ZNF83: variants seen among roughly 807,000 people sequenced by gnomAD.
The protein encoded by ZNF83 is zinc finger protein 83.
For synonymous variants in ZNF83, 209 were observed against 213.0 expected, an observed-to-expected ratio of 0.98 and a Z score of 0.17; for missense variants, 552 against 629.9, an observed-to-expected ratio of 0.88 and a Z score of 1.32.
chr19:52,652,981 G>A lies in ZNF83; in HGVS notation c.-74+2580C>T, dbSNP rs963044510. On this transcript the variant is annotated intron_variant, in intron 3 of 5. Coordinates refer to the ZNF83 transcript ENST00000594682. ...CTTGCCACACTCATTACACCTGTAA[G>A]GTTTCTCTCCAGTATGAACTCTCTG... The A allele has an allele frequency of 3.0e-6, 4 of 1,340,602 alleles. No individual in the cohort carries two copies. In the African/African-American group the frequency reaches 5.8e-5, roughly 19 times the overall value. The allele number at this position is 1,340,602 out of a possible 1,614,324, so 83.0% of individuals were successfully genotyped here.
intron 3 of ZNF83, chr19:52,651,953 T>C (rs1386836332): frequency 1.1e-5 from 2 of 179,002 alleles, no homozygotes; most frequent in East Asian, 1.8e-4. Context: ...CAATGCAGAA[T>C]TGACTCTAAT....
chr19:52,620,084 A>C (rs2060478283), intron 2 of ZNF83, among the ~76,000 whole-genome samples: 1 of 152,142 alleles, frequency 6.6e-6, no homozygotes, highest in Non-Finnish European at 1.5e-5. Flanking sequence ...AAAGTACAAA[A>C]ATACATTTTT....
intron 3 of ZNF83, among the ~76,000 whole-genome samples, chr19:52,648,005 T>C (rs577410230): frequency 7.2e-5 from 11 of 152,044 alleles, no homozygotes; most frequent in East Asian, 3.9e-4. Context: ...GCTCTGTCTG[T>C]CCTGGCTGCA....
chr19:52,632,436 CCA>C (rs2061002907), intron 2 of ZNF83, among the ~76,000 whole-genome samples: 1 of 152,178 alleles, frequency 6.6e-6, no homozygotes, highest in Non-Finnish European at 1.5e-5. Flanking sequence ...CAGTCTCATT[CCA>C]GACACCAGAC....
At chr19:52,638,758 G>A (rs1204361771), upstream of ZNF83, among the ~76,000 whole-genome samples, 2 of 152,210 alleles carry the variant, frequency 1.3e-5, no homozygotes, top group African/African-American at 4.8e-5. Context: ...CAGCTTTAGA[G>A]ACTCAGGCCA....
intron 3 of ZNF83, among the ~76,000 whole-genome samples, chr19:52,649,359 A>G (rs796448067): frequency 1.1e-4 from 17 of 152,274 alleles, no homozygotes; most frequent in African/African-American, 3.8e-4. Flanking sequence ...ATGAGCCGGT[A>G]TGACACATCT....
intron 1 of ZNF83, among the ~76,000 whole-genome samples, chr19:52,679,298 G>A (rs7256113): frequency 0.83 from 125,993 of 152,194 alleles, 52,805 homozygotes; most frequent in African/African-American, 0.96. Context: ...ACTGAGAGAA[G>A]CTTCTATGAT....
intron 1 of ZNF83, among the ~76,000 whole-genome samples, chr19:52,671,201 G>GT (rs1424816172): frequency 3.9e-5 from 6 of 152,030 alleles, no homozygotes; most frequent in Non-Finnish European, 8.8e-5. Flanking sequence ...TTTGTGGTTT[G>GT]TAAGGCATGA....
At chr19:52,613,105 C>T (rs2060159136) in exon 3 of ZNF83, 1 of 1,613,902 alleles carries the variant, frequency 6.2e-7, no homozygotes, top group Non-Finnish European at 8.5e-7. Flanking sequence ...ACATTCATTA[C>T]ATTTGAAATG....
chr19:52,619,302 TA>T (rs1261136646), intron 2 of ZNF83, among the ~76,000 whole-genome samples: 1 of 152,100 alleles, frequency 6.6e-6, no homozygotes, highest in Non-Finnish European at 1.5e-5. Flanking sequence ...AACACTCAAA[TA>T]AATAGATGCC....
intron 3 of ZNF83, among the ~76,000 whole-genome samples, chr19:52,649,165 T>C (rs1197766156): frequency 2.0e-5 from 3 of 152,086 alleles, no homozygotes; most frequent in Non-Finnish European, 4.4e-5. Flanking sequence ...GCTTCAAACC[T>C]GGCTTTCGCA....
chr19:52,628,108 C>T (rs113233529), intron 2 of ZNF83, among the ~76,000 whole-genome samples: 5 of 152,102 alleles, frequency 3.3e-5, no homozygotes, highest in African/African-American at 9.7e-5. Context: ...TCTTTTTGGA[C>T]TCAGCCCACC....
chr19:52,652,167 G>A (rs1198549294), intron 3 of ZNF83: 1 of 225,414 alleles, frequency 4.4e-6, no homozygotes, highest in Non-Finnish European at 8.8e-6. Flanking sequence ...CACTGGGCGT[G>A]GTGGCTCATG....
chr19:52,623,320 GAT>G (rs1210028038), intron 2 of ZNF83, among the ~76,000 whole-genome samples: 7 of 152,112 alleles, frequency 4.6e-5, no homozygotes, highest in Non-Finnish European at 8.8e-5. Context: ...CTGTTTAATT[GAT>G]ACAGGGGCTA....
intron 2 of ZNF83, among the ~76,000 whole-genome samples, chr19:52,659,095 C>T (rs7245546): frequency 0.64 from 97,653 of 151,872 alleles, 31,580 homozygotes; most frequent in East Asian, 0.76. Flanking sequence ...GGCAGACCCC[C>T]GCAGCTAATG....
chr19:52,618,226 G>T (rs1176568597), intron 2 of ZNF83, among the ~76,000 whole-genome samples: 2 of 151,766 alleles, frequency 1.3e-5, no homozygotes, highest in Non-Finnish European at 2.9e-5. Flanking sequence ...CTAGTACCTG[G>T]GATTACAGAC....
In ZNF83 at chr19:52,638,293, A is replaced by T. The variant is rs1455850797; in HGVS notation, c.-322+19T>A. 2 of 146,832 alleles carry T rather than the reference A, an allele frequency of 1.4e-5. No individual in the cohort carries two copies. 9.1% of individuals were successfully genotyped at this position (146,832 alleles called of 1,614,324 possible). ...CGGGGACCTGGTAAGCGCAGACTTA[A>T]TAGAAGAGCGAAACTCACCGCCACG... On this transcript the variant is annotated intron_variant, in intron 1 of 2. Coordinates refer to ENST00000301096, the Ensembl canonical transcript of ZNF83.
At chr19:52,645,040 T>G (rs1375246468) in intron 3 of ZNF83, among the ~76,000 whole-genome samples, 1 of 150,300 alleles carries the variant, frequency 6.7e-6, no homozygotes, top group African/African-American at 2.4e-5. Context: ...AAGGGGGTGC[T>G]TTTGGCACAG....
exon 3 of ZNF83, chr19:52,612,553 A>G (rs970911248): frequency 6.2e-6 from 1 of 162,442 alleles, no homozygotes; most frequent in Non-Finnish European, 1.3e-5. Flanking sequence ...TGGTTTCATC[A>G]AAAAAGTTTT....
Sources: gnomAD v4.1 joint callset for allele counts (sites outside exome capture counted in the v4.1 genomes callset) on GRCh38, gnomAD v4.1.1 for gene constraint, MANE v1.5 for transcripts, NCBI Gene and HGNC (gene_info 2026-07-23, HGNC 2026-07-21) for gene names.